Variants in ATG3 observed in about 807,000 individuals in gnomAD.
ATG3 encodes the protein ubiquitin-like-conjugating enzyme ATG3.
ATG3 carries 25 observed loss-of-function variants against 50.7 expected under a neutral mutation model. That is an observed-to-expected ratio of 0.49 (90% CI 0.36 to 0.69). The LOEUF (loss-of-function observed/expected upper bound fraction) is 0.69. Ranked by LOEUF, ATG3 falls within the 30% of genes least tolerant of loss-of-function variation. The pLI is 0.00. For missense variants in ATG3, 281 were observed against 376.0 expected (o/e 0.75, Z 2.09); for synonymous variants, 119 against 125.5 (o/e 0.95, Z 0.34).
chr3:112,559,789 A>G (rs1933792638), intron 1 of ATG3, among the ~76,000 whole-genome samples: 1 of 152,244 alleles, frequency 6.6e-6, no homozygotes. Flanking sequence ...TGGGGCCTCT[A>G]CCAATTAAGC....
intron 7 of ATG3, among the ~76,000 whole-genome samples, chr3:112,538,777 A>C (rs373919318): frequency 6.6e-6 from 1 of 152,178 alleles, no homozygotes; most frequent in Non-Finnish European, 1.5e-5. Context: ...AGACTCAATG[A>C]CTTCAAATAC....
chr3:112,543,697 T>C (rs1196214271), intron 6 of ATG3, among the ~76,000 whole-genome samples: 1 of 152,298 alleles, frequency 6.6e-6, no homozygotes, highest in Non-Finnish European at 1.5e-5. Flanking sequence ...TCTCCACTTA[T>C]ATGACATTTG....
chr3:112,532,902 T>C, intron 11 of ATG3, 122 bp from the exon 12 acceptor site: 1 of 1,317,832 alleles, frequency 7.6e-7, no homozygotes, highest in East Asian at 3.0e-5. Flanking sequence ...AATCTTAAAT[T>C]AAGTCTATTA....
intron 1 of ATG3, among the ~76,000 whole-genome samples, chr3:112,560,894 AG>A (rs1933843463): frequency 6.6e-6 from 1 of 152,172 alleles, no homozygotes; most frequent in African/African-American, 2.4e-5. Context: ...CTTGGGAAAA[AG>A]GTTTTGCTCG....
Position 112,548,524 on chromosome 3 carries a change from T to A in ATG3, c.343+9A>T. 6.3e-7 allele frequency: 1 copy of A among 1,582,204 alleles called. No homozygotes were observed. The highest frequency in any genetic ancestry group is 8.7e-7 in the Non-Finnish European group (1 of 1,151,638). On this transcript the variant is annotated intron_variant, in intron 5 of 11. Transcript: ENST00000283290. ...AAACTAAATATATGTCATTTTATTC[T>A]CCTCTTACCTGTGTTGTGATATGTA...
chr3:112,557,803 G>A (rs1296087812), intron 2 of ATG3, among the ~76,000 whole-genome samples: 2 of 151,256 alleles, frequency 1.3e-5, no homozygotes, highest in Non-Finnish European at 2.9e-5. Flanking sequence ...CCAAAAAGTG[G>A]TGTTTTCATT....
At position 112,555,224 on chromosome 3, in the gene ATG3, AAC is replaced by A. The variant is rs200522695; in HGVS notation, c.115-1897_115-1896del. On this transcript the variant is annotated intron_variant, in intron 2 of 11. Coordinates refer to ENST00000283290, the MANE Select transcript of ATG3 (RefSeq NM_022488.5). Reference sequence around the variant, plus strand: ...GAAAAACAAAAAACAAAACAAAAAAAACACAGACTCACACTGATAATACATGT... The same window carrying A: ...GAAAAACAAAAAACAAAACAAAAAAAACAGACTCACACTGATAATACATGT... Among the ~76,000 whole-genome samples the A allele has an allele frequency of 9.9e-3, 1,506 of 152,332 alleles. 7 individuals carry two copies. The highest frequency in any genetic ancestry group is 0.016 in the Non-Finnish European group (1,068 of 68,024).
chr3:112,536,333 T>A lies in ATG3; in HGVS notation c.794+142A>T, dbSNP rs954015316. On this transcript the variant is annotated intron_variant, in intron 10 of 11. Transcript: ENST00000283290. ...TTATATATTTAAGCACAAGAAAATTTCTAAGGAGGACAAGAGAGAATTTTA... is the reference window on the plus strand; with the variant it reads ...TTATATATTTAAGCACAAGAAAATTACTAAGGAGGACAAGAGAGAATTTTA... 4.2e-6 allele frequency: 4 copies of A among 952,998 alleles called. No homozygotes were observed. The Admixed American group carries it at 1.1e-4, about 27-fold the overall frequency. The allele number at this position is 952,998 out of a possible 1,614,324, so 59.0% of individuals were successfully genotyped here.
At chr3:112,548,509 T>G in intron 5 of ATG3, 24 bp downstream of exon 5, 1 of 1,541,360 alleles carries the variant, frequency 6.5e-7, no homozygotes, top group Non-Finnish European at 9.0e-7. Flanking sequence ...AAACTAAATA[T>G]ATGTCATTTT....
At chr3:112,557,938 TCCA>T (rs958559031) in intron 2 of ATG3, among the ~76,000 whole-genome samples, 12 of 152,290 alleles carry the variant, frequency 7.9e-5, no homozygotes, top group Middle Eastern at 3.4e-3. Flanking sequence ...TATTTACTTC[TCCA>T]CCGACAACGA....
At chr3:112,558,442 A>G (rs201656809) in intron 1 of ATG3, 25 bp from the exon 2 acceptor site, 7 of 1,509,408 alleles carry the variant, frequency 4.6e-6, no homozygotes, top group African/African-American at 2.8e-5. Context: ...AAGAAAAACA[A>G]TATTATATCA....
intron 5 of ATG3, among the ~76,000 whole-genome samples, chr3:112,546,438 T>C (rs1933372267): frequency 1.3e-5 from 2 of 152,220 alleles, no homozygotes; most frequent in Non-Finnish European, 1.5e-5. Flanking sequence ...GCAGATTTTA[T>C]CATGCTACTC....
At chr3:112,537,953 A>T (rs1369193038) in intron 8 of ATG3, 63 bp from the exon 9 acceptor site, 11 of 1,462,362 alleles carry the variant, frequency 7.5e-6, no homozygotes, top group African/African-American at 1.4e-5. Flanking sequence ...ACATTCTAGA[A>T]AACTTATTTT....
At chr3:112,539,726 T>C (rs1933176391) in intron 7 of ATG3, among the ~76,000 whole-genome samples, 2 of 152,224 alleles carry the variant, frequency 1.3e-5, no homozygotes, top group African/African-American at 4.8e-5. Flanking sequence ...CCAATAAATA[T>C]TTGTTCAATA....
rs1279496792 is a variant in ATG3 at position 112,540,647 on chromosome 3, C to A, written c.475+1156G>T. 3.3e-5 allele frequency among the ~76,000 whole-genome samples: 5 copies of A among 150,166 alleles called. No homozygotes were observed. The East Asian group carries it at 5.8e-4, about 18-fold the overall frequency. On this transcript the variant is annotated intron_variant, in intron 7 of 11. Transcript: ENST00000283290. Reference sequence around the variant, plus strand: ...AAGCAAGGGGAAAAAAAAAAGAAACCCACGGAACAGTAACATTTAATAGCT... The same window carrying A: ...AAGCAAGGGGAAAAAAAAAAGAAACACACGGAACAGTAACATTTAATAGCT...
chr3:112,561,596 G>A lies in ATG3; in HGVS notation c.-68C>T, dbSNP rs1933886217. 17 of 1,477,152 alleles carry A rather than the reference G, an allele frequency of 1.2e-5. No individual in the cohort carries two copies. The South Asian group carries it at 1.5e-4, about 13-fold the overall frequency. 91.5% of individuals were successfully genotyped at this position (1,477,152 alleles called of 1,614,324 possible). ...GTGCAGCCGTGTCAGGGGCCAGGGAGTCAGAAAATGTCCTCGCTGCCACCG... is the reference window on the plus strand; with the variant it reads ...GTGCAGCCGTGTCAGGGGCCAGGGAATCAGAAAATGTCCTCGCTGCCACCG... On this transcript the variant is annotated 5_prime_UTR_variant, in exon 1 of 12. Transcript: ENST00000283290.
chr3:112,553,454 A>G, intron 2 of ATG3, 125 bp from the exon 3 acceptor site: 1 of 695,340 alleles, frequency 1.4e-6, no homozygotes, highest in Non-Finnish European at 2.5e-6. Flanking sequence ...TAAGCAATAA[A>G]AATATAAACA....
At chr3:112,557,775 G>A (rs1376990335) in intron 2 of ATG3, among the ~76,000 whole-genome samples, 1 of 151,996 alleles carries the variant, frequency 6.6e-6, no homozygotes, top group Non-Finnish European at 1.5e-5. Context: ...TTTCAAAACA[G>A]TGAATAAAGT....
intron 2 of ATG3, among the ~76,000 whole-genome samples, chr3:112,557,830 T>A (rs964552799): frequency 6.6e-6 from 1 of 150,726 alleles, no homozygotes; most frequent in Non-Finnish European, 1.5e-5. Context: ...AAAAAAAAAA[T>A]TCAAGCTTAA....
Sources: gnomAD v4.1 joint callset for allele counts (sites outside exome capture counted in the v4.1 genomes callset) on GRCh38, gnomAD v4.1.1 for gene constraint, MANE v1.5 for transcripts, NCBI Gene and HGNC (gene_info 2026-07-23, HGNC 2026-07-21) for gene names.